Variants in RGS3 observed in about 807,000 individuals in gnomAD.
RGS3 encodes the protein regulator of G protein signaling 3, also known as regulator of G-protein signalling 3.
RGS3 carries 80 observed loss-of-function variants against 132.6 expected under a neutral mutation model. The ratio of observed to expected loss-of-function variants is 0.60; its 90% CI spans 0.50 to 0.73. The LOEUF (loss-of-function observed/expected upper bound fraction) is 0.73, where lower values mean the gene tolerates loss of function less well. Ranked by LOEUF, RGS3 falls within the 30% of genes least tolerant of loss-of-function variation. The pLI is 0.00. For synonymous variants in RGS3, 598 were observed against 620.6 expected, an observed-to-expected ratio of 0.96 and a Z score of 0.54; for missense variants, 1,382 against 1,530.8, an observed-to-expected ratio of 0.90 and a Z score of 1.62.
chr9:113,565,411 T>TAGGAGGAGGAGGAAG lies in RGS3; in HGVS notation c.2038-18029_2038-18015dup, dbSNP rs1833952888. The TAGGAGGAGGAGGAAG allele has an allele frequency of 7.8e-7, 1 of 1,275,680 alleles. No homozygotes were observed. Among genetic ancestry groups the TAGGAGGAGGAGGAAG allele is most frequent in the Admixed American group, 2.3e-5 (1 of 43,174 alleles). 79.0% of individuals were successfully genotyped at this position (1,275,680 alleles called of 1,614,324 possible). On this transcript the variant is annotated intron_variant, in intron 19 of 24. Coordinates refer to ENST00000350696, the Ensembl canonical transcript of RGS3. This position sits in a 1 kb window ranked among gnomAD's most constrained non-coding sequence, Gnocchi z 5.7. The stretch of plus-strand genomic sequence containing the variant: ...GGAGGAGGAAGAGGAGGAGGACAAG[T>TAGGAGGAGGAGGAAG]AGGAGGAGGAGGAAGAGGAGGAGGG...
intron 10 of RGS3, chr9:113,505,170 G>A: frequency 2.1e-6 from 1 of 485,492 alleles, no homozygotes. Flanking sequence ...GGCAAAGTTT[G>A]CTTTTCCAAG....
chr9:113,517,873 C>T (rs1362465797), intron 16 of RGS3, among the ~76,000 whole-genome samples: 1 of 152,190 alleles, frequency 6.6e-6, no homozygotes, highest in African/African-American at 2.4e-5. Context: ...AAAGACACCC[C>T]ATTGTTTATC....
chr9:113,505,405 C>T (rs1399764363), intron 10 of RGS3, 37 bp from the exon 9 acceptor site: 3 of 1,598,820 alleles, frequency 1.9e-6, no homozygotes, highest in Admixed American at 3.3e-5. Context: ...CAAGAGCCTC[C>T]AGCTTCTGGC....
intron 19 of RGS3, among the ~76,000 whole-genome samples, chr9:113,564,756 T>G (rs532587385): frequency 6.6e-6 from 1 of 152,306 alleles, no homozygotes; most frequent in Non-Finnish European, 1.5e-5. Context: ...TCTGCAGAGT[T>G]TAGCATTCAA....
intron 10 of RGS3, among the ~76,000 whole-genome samples, chr9:113,498,618 G>A (rs1479406016): frequency 6.6e-6 from 1 of 152,148 alleles, no homozygotes; most frequent in Admixed American, 6.5e-5. Flanking sequence ...TAACAAGTAA[G>A]AGAGGGAATT....
intron 19 of RGS3, among the ~76,000 whole-genome samples, chr9:113,543,650 A>G (rs1432585729): frequency 6.6e-6 from 1 of 152,250 alleles, no homozygotes; most frequent in Non-Finnish European, 1.5e-5. Flanking sequence ...CTGTCTGGGA[A>G]GGCAGCAAGC....
intron 7 of RGS3, among the ~76,000 whole-genome samples, chr9:113,488,859 T>A (rs1421375566): frequency 6.6e-6 from 1 of 152,154 alleles, no homozygotes; most frequent in African/African-American, 2.4e-5. Context: ...ATCGATCCAT[T>A]TCGGAGCGAG....
chr9:113,445,416 C>A (rs1829079879), intron 1 of RGS3, among the ~76,000 whole-genome samples: 1 of 152,042 alleles, frequency 6.6e-6, no homozygotes, highest in South Asian at 2.1e-4. Flanking sequence ...TCAGGCTTGT[C>A]TCGAACTCTG....
chr9:113,566,377 G>C (rs1834013032), intron 19 of RGS3, among the ~76,000 whole-genome samples: 1 of 152,228 alleles, frequency 6.6e-6, no homozygotes, highest in East Asian at 1.9e-4. Context: ...ACACCACAGA[G>C]CTGGCCACTG....
intron 23 of RGS3, 62 bp downstream of exon 21, chr9:113,595,042 C>T (rs1293006302): frequency 2.0e-5 from 30 of 1,509,342 alleles, no homozygotes; most frequent in East Asian, 6.8e-5. Context: ...CGCCCCCATC[C>T]AGACCCTGTG....
At chr9:113,498,921 GAAAAAA>G (rs755573432) in intron 10 of RGS3, among the ~76,000 whole-genome samples, 3 of 47,380 alleles carry the variant, frequency 6.3e-5, no homozygotes, top group Non-Finnish European at 8.6e-5. Flanking sequence ...TGTCTCAATT[GAAAAAA>G]AAAAAAAAAA....
intron 20 of RGS3, among the ~76,000 whole-genome samples, chr9:113,586,540 A>G (rs1835124827): frequency 6.6e-6 from 1 of 152,078 alleles, no homozygotes; most frequent in African/African-American, 2.4e-5. Flanking sequence ...ACCAACTTTT[A>G]GCCGGTCACT....
chr9:113,464,585 A>G (rs902852466), intron 3 of RGS3, among the ~76,000 whole-genome samples: 4 of 152,080 alleles, frequency 2.6e-5, no homozygotes. Flanking sequence ...CTTGAGGGTA[A>G]CCCTTCATTT....
At chr9:113,562,461 A>C (rs1001395348) in intron 19 of RGS3, among the ~76,000 whole-genome samples, 1 of 147,622 alleles carries the variant, frequency 6.8e-6, no homozygotes, top group Non-Finnish European at 1.5e-5. Context: ...TGGGTGACAG[A>C]GCAAGACTCT....
Position 113,594,909 on chromosome 9 carries a change from C to G in RGS3, c.3183-10C>G. On this transcript the variant is annotated splice_polypyrimidine_tract_variant and intron_variant, in intron 22 of 24. Coordinates refer to ENST00000350696, the Ensembl canonical transcript of RGS3. ...AGTGCCCTCACTGTGTTTCCTCCCT[C>G]ACCCCTCAGGCCCACCTCAGAGGAA... is the stretch of plus-strand genomic sequence containing the variant. 1.9e-6 allele frequency: 3 copies of G among 1,613,740 alleles called. No individual in the cohort carries two copies. The South Asian group carries it at 3.3e-5, about 18-fold the overall frequency.
chr9:113,457,546 A>G (rs991153788), upstream of RGS3, among the ~76,000 whole-genome samples: 66 of 152,230 alleles, frequency 4.3e-4, no homozygotes, highest in African/African-American at 1.5e-3. Flanking sequence ...TTAATGTGTC[A>G]GTAGCCACAG....
chr9:113,462,075 A>T, exon 3 of RGS3: 1 of 1,614,074 alleles, frequency 6.2e-7, no homozygotes. Flanking sequence ...CTTGAGCCTG[A>T]GCTTGCCCAT....
rs151209697 is a variant in RGS3, at chr9:113,465,545, T to C, written c.415+3344T>C. Among the ~76,000 whole-genome samples the C allele has an allele frequency of 7.2e-5, 11 of 152,126 alleles. No individual in the cohort carries two copies. In the East Asian group the frequency reaches 2.1e-3, roughly 29 times the overall value. ...GATCAAGTTTGTATGGACAATTTTGTAACCCATATGTTTTCCTTAGTGGCC... is the reference window on the plus strand; with the variant it reads ...GATCAAGTTTGTATGGACAATTTTGCAACCCATATGTTTTCCTTAGTGGCC... On this transcript the variant is annotated intron_variant, in intron 3 of 24. Transcript: ENST00000350696.
chr9:113,561,622 A>G (rs1385677504), intron 19 of RGS3, among the ~76,000 whole-genome samples: 1 of 140,726 alleles, frequency 7.1e-6, no homozygotes, highest in Non-Finnish European at 1.5e-5. Flanking sequence ...GAGTCTTCCT[A>G]TGTTGCCCAG....
Sources: allele counts gnomAD v4.1 joint callset (sites outside exome capture counted in the v4.1 genomes callset), GRCh38; gene constraint gnomAD v4.1.1; non-coding constraint Gnocchi (gnomAD v3.1); transcripts MANE v1.5; gene names NCBI Gene and HGNC (gene_info 2026-07-23, HGNC 2026-07-21).